Variants in COG7 observed in about 807,000 individuals in gnomAD.
The protein encoded by COG7 is conserved oligomeric Golgi complex subunit 7.
A neutral mutation model predicts 91.5 loss-of-function variants in COG7; 49 were observed. That is an observed-to-expected ratio of 0.54 (90% CI 0.43 to 0.68). The LOEUF (loss-of-function observed/expected upper bound fraction) is 0.68, where lower values mean the gene tolerates loss of function less well. Among genes scored for constraint, COG7 ranks in the 30% least tolerant of loss-of-function variants. The pLI, the probability that COG7 is intolerant of heterozygous loss-of-function variation, is 0.00. For synonymous variants in COG7, 365 were observed against 388.7 expected (o/e 0.94, Z 0.72); for missense variants, 895 against 961.3 (o/e 0.93, Z 0.91).
intron 16 of COG7, chr16:23,391,814 G>A: frequency 4.7e-6 from 1 of 213,994 alleles, no homozygotes; most frequent in Non-Finnish European, 9.3e-6. Flanking sequence ...AAGAGGGCAG[G>A]CAGGAGCAAA....
chr16:23,428,572 T>G (rs1220721555), intron 6 of COG7, among the ~76,000 whole-genome samples: 1 of 151,950 alleles, frequency 6.6e-6, no homozygotes, highest in Non-Finnish European at 1.5e-5. Context: ...CCAGCATGGC[T>G]GAAATTAAAG....
intron 13 of COG7, among the ~76,000 whole-genome samples, chr16:23,402,688 C>T (rs543692512): frequency 1.3e-5 from 2 of 152,306 alleles, no homozygotes; most frequent in South Asian, 2.1e-4. Context: ...TCCCCTTCTG[C>T]GCTACAAATA....
chr16:23,390,787 G>A (rs1469908241), intron 16 of COG7, among the ~76,000 whole-genome samples: 1 of 152,228 alleles, frequency 6.6e-6, no homozygotes, highest in African/African-American at 2.4e-5. Context: ...GCCAGGAGGA[G>A]ATGCCTGCTC....
At chr16:23,413,336 A>G (rs1352530116) in intron 10 of COG7, 112 bp downstream of exon 10, 1 of 772,828 alleles carries the variant, frequency 1.3e-6, no homozygotes. Flanking sequence ...AAAGGCAGTG[A>G]AAGAAAAAAA....
intron 1 of COG7, among the ~76,000 whole-genome samples, chr16:23,450,930 A>T (rs1288495841): frequency 6.6e-6 from 1 of 152,216 alleles, no homozygotes; most frequent in Non-Finnish European, 1.5e-5. Context: ...ACAGTGGCTC[A>T]TGCCTGTAAT....
intron 4 of COG7, among the ~76,000 whole-genome samples, chr16:23,435,637 A>T (rs898997407): frequency 1.3e-5 from 2 of 150,542 alleles, no homozygotes; most frequent in Non-Finnish European, 2.9e-5. Flanking sequence ...CTTCTGGCCA[A>T]AATGTACATG....
intron 6 of COG7, among the ~76,000 whole-genome samples, chr16:23,429,530 G>A (rs569493828): frequency 4.6e-5 from 7 of 152,146 alleles, no homozygotes; most frequent in East Asian, 1.9e-4. Flanking sequence ...TTGGGAGGCC[G>A]AGGTGGGCAG....
chr16:23,440,296 G>C (rs923280965), intron 4 of COG7, among the ~76,000 whole-genome samples: 8 of 151,546 alleles, frequency 5.3e-5, no homozygotes, highest in African/African-American at 1.7e-4. Context: ...AGGTAAGGCA[G>C]GAGAATCGCT....
At position 23,444,432 on chromosome 16, in the gene COG7, C is replaced by T. The variant is rs113286686; in HGVS notation, c.435+616G>A. Among the ~76,000 whole-genome samples, 127 of 151,956 alleles carry T rather than the reference C, an allele frequency of 8.4e-4. 1 individual carries two copies. The highest frequency in any genetic ancestry group is 2.9e-3 in the African/African-American group (122 of 41,480). On this transcript the variant is annotated intron_variant, in intron 3 of 16. Transcript: ENST00000307149. The stretch of plus-strand genomic sequence containing the variant: ...CACCAAGTCCCCAAGGTATATAAGG[C>T]TCCCCTTTCCCCATGTTCCACCCTC...
Position 23,445,788 on chromosome 16 carries a change from CAGGAGCCAAA to C in COG7, c.318+15_318+24del, listed in dbSNP as rs1964171820. ...CCAAAGCAAGAATCACCATTTACAACAGGAGCCAAAAGGAGCCAAAATACCTGCATGGATT... is the reference window on the plus strand; with the variant it reads ...CCAAAGCAAGAATCACCATTTACAACAGGAGCCAAAATACCTGCATGGATT... On this transcript the variant is annotated intron_variant, in intron 2 of 16. Transcript: ENST00000307149. 15 of 1,612,856 alleles carry C rather than the reference CAGGAGCCAAA, an allele frequency of 9.3e-6. No individual in the cohort carries two copies. The highest frequency in any genetic ancestry group is 1.0e-5 in the Non-Finnish European group (12 of 1,178,970).
intron 10 of COG7, among the ~76,000 whole-genome samples, chr16:23,411,233 T>C (rs1963556397): frequency 6.6e-6 from 1 of 152,178 alleles, no homozygotes; most frequent in Admixed American, 6.5e-5. Flanking sequence ...AGCCTCAAAC[T>C]CCCAGCTGCT....
At chr16:23,407,182 G>A (rs117124805) in intron 11 of COG7, among the ~76,000 whole-genome samples, 163 of 152,336 alleles carry the variant, frequency 1.1e-3, no homozygotes, top group Non-Finnish European at 2.0e-3. Flanking sequence ...ATAAATCCCT[G>A]TGATACGATC....
At chr16:23,390,156 T>C (rs938704829) in intron 16 of COG7, 4 of 151,382 alleles carry the variant, frequency 2.6e-5, no homozygotes, top group South Asian at 2.1e-4. Flanking sequence ...TTGGAAAGAC[T>C]AGAAGACAGC....
At chr16:23,417,341 A>T in intron 8 of COG7, 3 of 596,390 alleles carry the variant, frequency 5.0e-6, no homozygotes, top group South Asian at 3.9e-5. Context: ...GAAAAGCATG[A>T]TCGAATGTCT....
At position 23,434,575 on chromosome 16, in the gene COG7, T is replaced by C. The variant is rs1963984972; in HGVS notation, c.687+61A>G. ...CTTCTGAATTATGAACCTGCGATTCTGTGACCCAGAGTTATGAGCATTCCA... is the reference window on the plus strand; with the variant it reads ...CTTCTGAATTATGAACCTGCGATTCCGTGACCCAGAGTTATGAGCATTCCA... On this transcript the variant is annotated intron_variant, in intron 5 of 16. Transcript: ENST00000307149. The C allele has an allele frequency of 4.0e-6, 5 of 1,250,012 alleles. No individual in the cohort carries two copies. The South Asian group carries it at 6.0e-5, about 15-fold the overall frequency. The allele number at this position is 1,250,012 out of a possible 1,614,324, so 77.4% of individuals were successfully genotyped here.
Position 23,424,965 on chromosome 16 carries a change from T to C in COG7, c.811-18A>G. On this transcript the variant is annotated intron_variant, in intron 6 of 16. Coordinates refer to ENST00000307149, the MANE Select transcript of COG7 (RefSeq NM_153603.4). ...TGGAAAACCTGCAGTGAGAGAGAGG[T>C]GTACCTGCCTTAGCACATGGAGCCA... 2.4e-5 allele frequency: 38 copies of C among 1,562,582 alleles called. No homozygotes were observed. The highest frequency in any genetic ancestry group is 3.1e-5 in the Non-Finnish European group (36 of 1,144,126).
At chr16:23,389,443 GCACA>G (rs1167129246) in intron 16 of COG7, among the ~76,000 whole-genome samples, 3 of 151,058 alleles carry the variant, frequency 2.0e-5, no homozygotes, top group Admixed American at 6.6e-5. Flanking sequence ...ACACTCACAT[GCACA>G]CACTCTCACA....
chr16:23,443,577 G>A (rs1055364560), intron 3 of COG7, among the ~76,000 whole-genome samples: 4 of 152,038 alleles, frequency 2.6e-5, no homozygotes, highest in Admixed American at 6.6e-5. Flanking sequence ...TGTAATCCCA[G>A]CTACTCGGGA....
At chr16:23,430,098 A>G (rs1963910475) in intron 6 of COG7, among the ~76,000 whole-genome samples, 1 of 152,126 alleles carries the variant, frequency 6.6e-6, no homozygotes. Context: ...AGGTATTTGT[A>G]GTTGTCAAAT....
Sources: gnomAD v4.1 joint callset for allele counts (sites outside exome capture counted in the v4.1 genomes callset) on GRCh38, gnomAD v4.1.1 for gene constraint, MANE v1.5 for transcripts, NCBI Gene and HGNC (gene_info 2026-07-23, HGNC 2026-07-21) for gene names.